Variants in CAMTA1 observed in about 807,000 individuals in gnomAD.
CAMTA1 encodes the protein calmodulin-binding transcription activator 1.
CAMTA1 carries 27 observed loss-of-function variants against 170.9 expected under a neutral mutation model. The ratio of observed to expected loss-of-function variants is 0.16; its 90% CI spans 0.12 to 0.22. The LOEUF is 0.22. Among genes scored for constraint, CAMTA1 ranks in the 10% least tolerant of loss-of-function variants. CAMTA1 has a pLI of 1.00. For synonymous variants in CAMTA1, 833 were observed against 891.5 expected, an observed-to-expected ratio of 0.93 and a Z score of 1.17; for missense variants, 1,619 against 2,217.2, an observed-to-expected ratio of 0.73 and a Z score of 5.42.
chr1:7,056,240 C>T (rs534887340), intron 3 of CAMTA1, among the ~76,000 whole-genome samples: 6 of 152,298 alleles, frequency 3.9e-5, no homozygotes, highest in Middle Eastern at 3.4e-3. Flanking sequence ...CCAAGAAAAT[C>T]GCATTTCACA....
chr1:7,626,609 T>TA (rs2095635346), intron 6 of CAMTA1, among the ~76,000 whole-genome samples: 1 of 152,152 alleles, frequency 6.6e-6, no homozygotes, highest in African/African-American at 2.4e-5. Context: ...GAGGGAGGTG[T>TA]AATCATTTGC....
intron 1 of CAMTA1, among the ~76,000 whole-genome samples, chr1:6,790,455 A>G (rs539252472): frequency 6.6e-6 from 1 of 151,318 alleles, no homozygotes; most frequent in Admixed American, 6.6e-5. Flanking sequence ...TGTAGGCATA[A>G]CTTTTAGGTT....
At chr1:7,705,604 C>A (rs1369438655) in intron 11 of CAMTA1, among the ~76,000 whole-genome samples, 1 of 151,914 alleles carries the variant, frequency 6.6e-6, no homozygotes. Flanking sequence ...TTCTCCTCAA[C>A]ACGGGTTTTT....
At chr1:7,082,350 A>G (rs1640122478) in intron 3 of CAMTA1, among the ~76,000 whole-genome samples, 1 of 152,168 alleles carries the variant, frequency 6.6e-6, no homozygotes, top group African/African-American at 2.4e-5. Flanking sequence ...AAGCAGGAGA[A>G]TCTCTTGAAC....
At chr1:7,351,479 C>T (rs1007073223) in intron 5 of CAMTA1, among the ~76,000 whole-genome samples, 5 of 152,244 alleles carry the variant, frequency 3.3e-5, no homozygotes, top group Non-Finnish European at 5.9e-5. Context: ...GTCCCACCAT[C>T]CAGGAACTGT....
intron 5 of CAMTA1, among the ~76,000 whole-genome samples, chr1:7,422,578 C>T (rs2091636586): frequency 6.6e-6 from 1 of 152,164 alleles, no homozygotes; most frequent in Non-Finnish European, 1.5e-5. Context: ...ATCTTTTAGA[C>T]AATGGACTAC....
intron 5 of CAMTA1, among the ~76,000 whole-genome samples, chr1:7,393,054 T>A (rs901593633): frequency 1.4e-5 from 2 of 144,966 alleles, no homozygotes; most frequent in Non-Finnish European, 3.0e-5. Context: ...CTATATCTCT[T>A]AAAAAAAAAA....
rs893023842 is a variant in CAMTA1 at position 7,050,118 on chromosome 1, C to T, written c.235-41186C>T. Among the ~76,000 whole-genome samples the T allele has an allele frequency of 3.3e-5, 5 of 152,124 alleles. No individual in the cohort carries two copies. Among genetic ancestry groups the T allele is most frequent in the African/African-American group, 9.7e-5 (4 of 41,424 alleles). On this transcript the variant is annotated intron_variant, in intron 3 of 22. Transcript: ENST00000303635. This position sits in a 1 kb window ranked among gnomAD's most constrained non-coding sequence, Gnocchi z 4.8. ...TGTTTGAAGGTCAGCCGGGAGACTGCGAGGCAGGAGCTGGTGGAGAGAGGA... is the reference window on the plus strand; with the variant it reads ...TGTTTGAAGGTCAGCCGGGAGACTGTGAGGCAGGAGCTGGTGGAGAGAGGA...
intron 3 of CAMTA1, among the ~76,000 whole-genome samples, chr1:6,898,616 C>T (rs1676173441): frequency 6.6e-6 from 1 of 152,184 alleles, no homozygotes; most frequent in African/African-American, 2.4e-5. Context: ...AGTTATAGTT[C>T]ATAGAGTGTG....
intron 3 of CAMTA1, among the ~76,000 whole-genome samples, chr1:6,943,231 C>T (rs954681581): frequency 6.6e-6 from 1 of 152,076 alleles, no homozygotes; most frequent in African/African-American, 2.4e-5. Context: ...CCCTGACCGT[C>T]CTCACCTGGC....
At chr1:7,650,653 G>T (rs1178777519) in intron 7 of CAMTA1, among the ~76,000 whole-genome samples, 1 of 152,104 alleles carries the variant, frequency 6.6e-6, no homozygotes, top group Non-Finnish European at 1.5e-5. Context: ...ACGGCAGATA[G>T]GTCCCCGCAT....
In CAMTA1 at chr1:7,579,552, C is replaced by CTTTTTTTTTTTTTT. The variant is rs3034816; in HGVS notation, c.511-60836_511-60823dup. Among the ~76,000 whole-genome samples the CTTTTTTTTTTTTTT allele has an allele frequency of 7.3e-4, 58 of 79,200 alleles. 5 individuals carry two copies. Among genetic ancestry groups the CTTTTTTTTTTTTTT allele is most frequent in the Admixed American group, 2.1e-3 (13 of 6,318 alleles). 52.0% of individuals were successfully genotyped at this position (79,200 alleles called of 152,430 possible). On this transcript the variant is annotated intron_variant, in intron 6 of 22. Coordinates refer to ENST00000303635, the MANE Select transcript of CAMTA1 (RefSeq NM_015215.4). ...GGTCCACTTTCTTTTCTTTTCTTTT[C>CTTTTTTTTTTTTTT]TTTTTTTTTTTTTTTTTTTTTTTTT...
At chr1:6,979,821 C>CA (rs1557918714) in intron 3 of CAMTA1, among the ~76,000 whole-genome samples, 13 of 150,626 alleles carry the variant, frequency 8.6e-5, no homozygotes, top group Non-Finnish European at 1.8e-4. Flanking sequence ...CCCCGGCACC[C>CA]GGGACACTGT....
chr1:6,943,846 C>CA (rs1198830005), intron 3 of CAMTA1, among the ~76,000 whole-genome samples: 7,501 of 51,024 alleles, frequency 0.15, 604 homozygotes, highest in East Asian at 0.25. Flanking sequence ...GACTCTGTCT[C>CA]AAAAAAAAAA....
At chr1:7,241,936 T>C (rs1664928866) in intron 4 of CAMTA1, among the ~76,000 whole-genome samples, 1 of 151,920 alleles carries the variant, frequency 6.6e-6, no homozygotes, top group Non-Finnish European at 1.5e-5. Flanking sequence ...AAAGAAAAAA[T>C]TGATAAATTG....
At chr1:6,858,116 A>G (rs538860700) in intron 3 of CAMTA1, among the ~76,000 whole-genome samples, 1 of 152,274 alleles carries the variant, frequency 6.6e-6, no homozygotes, top group Non-Finnish European at 1.5e-5. Flanking sequence ...AAGATAGGCC[A>G]GTCATAAATG....
intron 3 of CAMTA1, among the ~76,000 whole-genome samples, chr1:7,016,674 C>T (rs983447278): frequency 2.0e-5 from 3 of 152,004 alleles, no homozygotes; most frequent in Non-Finnish European, 4.4e-5. Context: ...TCTCTACCAA[C>T]AATACAAAAA....
chr1:7,403,687 C>G (rs1346299490), intron 5 of CAMTA1, among the ~76,000 whole-genome samples: 1 of 152,190 alleles, frequency 6.6e-6, no homozygotes, highest in Non-Finnish European at 1.5e-5. Context: ...AGGACCACCA[C>G]CAGCCCTATG....
chr1:7,677,977 G>T (rs1403490849), intron 11 of CAMTA1, among the ~76,000 whole-genome samples: 1 of 152,252 alleles, frequency 6.6e-6, no homozygotes, highest in Admixed American at 6.5e-5. Context: ...AGACTGAAAA[G>T]TATGTGAGTG....
Sources: gnomAD v4.1 joint callset for allele counts (sites outside exome capture counted in the v4.1 genomes callset) on GRCh38, gnomAD v4.1.1 for gene constraint, Gnocchi (gnomAD v3.1) non-coding constraint, MANE v1.5 for transcripts, NCBI Gene and HGNC (gene_info 2026-07-23, HGNC 2026-07-21) for gene names.